HERC1: variants seen among roughly 807,000 people sequenced by gnomAD.
HERC1 encodes HECT and RLD domain containing E3 ubiquitin protein ligase family member 1.
Under a neutral mutation model 554.3 loss-of-function variants are expected in HERC1, and 160 were observed. That is an observed-to-expected ratio of 0.29 (90% CI 0.25 to 0.33). The LOEUF is 0.33. HERC1 is among the 10% of genes least tolerant of loss of function. The probability of loss-of-function intolerance (pLI) is 1.00; values close to 1 mark genes in which losing one functional copy is unlikely to be tolerated. For missense variants in HERC1, 4,919 were observed against 5,918.5 expected (o/e 0.83, Z 5.54); for synonymous variants, 2,175 against 2,131.7 (o/e 1.02, Z -0.56).
chr15:63,744,164 G>GTCTCTCTCTCTCTCTCTCTCTCTCTC (rs71464534), intron 12 of HERC1, among the ~76,000 whole-genome samples: 7 of 46,312 alleles, frequency 1.5e-4, no homozygotes, highest in African/African-American at 3.4e-4. Flanking sequence ...GTGTGTGTGT[G>GTCTCTCTCTCTCTCTCTCTCTCTCTC]TCTCTCTCTC....
At chr15:63,790,773 GTTTTCTTTTTTTT>G (rs2076625205) in intron 1 of HERC1, among the ~76,000 whole-genome samples, 2 of 148,094 alleles carry the variant, frequency 1.4e-5, no homozygotes, top group South Asian at 4.3e-4. Context: ...ACACAGTAGG[GTTTTCTTTTTTTT>G]TTTTTTAATT....
chr15:63,645,623 T>G lies in HERC1; in HGVS notation c.10938A>C (p.Lys3646Asn). The change falls in exon 56 of 78, where the codon AAA becomes AAC. Residue 3646 changes from lysine (K) to asparagine (N), a missense_variant. Coordinates refer to ENST00000443617, the MANE Select transcript of HERC1 (RefSeq NM_003922.4). ...PTGHILMTCA[K>N]EDSVKLWGSI... ...AGCCCCAGAGTTTCACACTGTCTTCTTTGGCACATGTCATAAGAATATGAC... is the reference window on the plus strand; with the variant it reads ...AGCCCCAGAGTTTCACACTGTCTTCGTTGGCACATGTCATAAGAATATGAC... 2 of 1,612,022 alleles carry G rather than the reference T, an allele frequency of 1.2e-6. No individual in the cohort carries two copies. The highest frequency in any genetic ancestry group is 1.7e-4 in the Middle Eastern group (1 of 6,060).
Position 63,680,015 on chromosome 15 carries a change from C to T in HERC1, c.6549+62G>A. 8.8e-7 allele frequency: 1 copy of T among 1,140,366 alleles called. No individual in the cohort carries two copies. Among genetic ancestry groups the T allele is most frequent in the Admixed American group, 2.0e-5 (1 of 51,212 alleles). 70.6% of individuals were successfully genotyped at this position (1,140,366 alleles called of 1,614,324 possible). A position where few individuals can be genotyped will look rare whatever the true frequency, so the allele number is the denominator to read the frequency against. ...AAATAGCTTATTATATTTATAAACTCTATCTGATGCTAAACAATAAAATAA... is the reference window on the plus strand; with the variant it reads ...AAATAGCTTATTATATTTATAAACTTTATCTGATGCTAAACAATAAAATAA... On this transcript the variant is annotated intron_variant, in intron 36 of 77. Coordinates refer to ENST00000443617, the MANE Select transcript of HERC1 (RefSeq NM_003922.4). The surrounding 1 kb of genome is among the most constrained non-coding windows in gnomAD (Gnocchi z 5.8).
At chr15:63,778,627 C>A (rs2076183776) in intron 1 of HERC1, among the ~76,000 whole-genome samples, 1 of 152,050 alleles carries the variant, frequency 6.6e-6, no homozygotes, top group Admixed American at 6.5e-5. Flanking sequence ...TCAAGTAAAA[C>A]AAACAAAATT....
At chr15:63,787,960 CAA>C (rs375499946) in intron 1 of HERC1, among the ~76,000 whole-genome samples, 1 of 45,644 alleles carries the variant, frequency 2.2e-5, no homozygotes, top group African/African-American at 8.4e-5. Flanking sequence ...GACCCTGTCT[CAA>C]AAAAAAAAAA....
chr15:63,620,204 C>G (rs896799036), intron 74 of HERC1, among the ~76,000 whole-genome samples: 8 of 152,152 alleles, frequency 5.3e-5, no homozygotes, highest in Middle Eastern at 3.4e-3. Flanking sequence ...TCTTTGTTCT[C>G]GTTGGTTTCA....
chr15:63,749,939 G>A lies in HERC1; in HGVS notation c.1903-148C>T. The A allele has an allele frequency of 4.2e-6, 3 of 707,982 alleles. No homozygotes were observed. The South Asian group carries it at 7.9e-5, about 19-fold the overall frequency. 43.9% of individuals were successfully genotyped at this position (707,982 alleles called of 1,614,324 possible). On this transcript the variant is annotated intron_variant, in intron 8 of 77. Coordinates refer to ENST00000443617, the MANE Select transcript of HERC1 (RefSeq NM_003922.4). This position sits in a 1 kb window ranked among gnomAD's most constrained non-coding sequence, Gnocchi z 4.1. ...AATCATTTTGATCATTTTAAAGATTGTTACAGCGATTTATCATGCTGCCTT... is the reference window on the plus strand; with the variant it reads ...AATCATTTTGATCATTTTAAAGATTATTACAGCGATTTATCATGCTGCCTT...
chr15:63,630,690 GC>G, intron 68 of HERC1, 55 bp from the exon 69 acceptor site: 1 of 1,521,384 alleles, frequency 6.6e-7, no homozygotes, highest in Non-Finnish European at 8.9e-7. Context: ...ACAACACAGT[GC>G]TTTTATATTT....
At position 63,608,895 on chromosome 15, in the gene HERC1, A is replaced by T; in HGVS notation, c.*186T>A. ...AGCACTTCGTTTTTGTTGTTTTTGT[A>T]CAATCACAGAAAAATAAAAACATCT... On this transcript the variant is annotated 3_prime_UTR_variant, in exon 78 of 78. Transcript: ENST00000443617. 2.0e-6 allele frequency: 1 copy of T among 492,408 alleles called. No individual in the cohort carries two copies. The highest frequency in any genetic ancestry group is 3.3e-6 in the Non-Finnish European group (1 of 303,554). 30.5% of individuals were successfully genotyped at this position (492,408 alleles called of 1,614,324 possible).
chr15:63,814,366 A>C (rs1162632159), intron 1 of HERC1, among the ~76,000 whole-genome samples: 1 of 151,968 alleles, frequency 6.6e-6, no homozygotes, highest in African/African-American at 2.4e-5. Context: ...TCAAGAGCAC[A>C]CACTACTCTT....
chr15:63,765,441 G>A lies in HERC1; in HGVS notation c.931-1250C>T, dbSNP rs544816767. Reference sequence around the variant, plus strand: ...CTGAAGAACTGATTCAGGCCAGGACGGGAAGTGGGAGATCGGACATGCCTC... The same window carrying A: ...CTGAAGAACTGATTCAGGCCAGGACAGGAAGTGGGAGATCGGACATGCCTC... On this transcript the variant is annotated intron_variant, in intron 2 of 77. Transcript: ENST00000443617. Among the ~76,000 whole-genome samples, 33 of 152,178 alleles carry A rather than the reference G, an allele frequency of 2.2e-4. No homozygotes were observed. The East Asian group carries it at 2.7e-3, about 12-fold the overall frequency.
chr15:63,640,053 G>T, intron 61 of HERC1, 99 bp downstream of exon 61: 2 of 1,133,788 alleles, frequency 1.8e-6, no homozygotes, highest in Non-Finnish European at 2.5e-6. Flanking sequence ...TATCCTTCTA[G>T]CCATGCATAC....
At chr15:63,642,873 T>C in intron 59 of HERC1, 84 bp downstream of exon 59, 1 of 786,740 alleles carries the variant, frequency 1.3e-6, no homozygotes, top group Non-Finnish European at 2.2e-6. Context: ...AGGTTTCTCC[T>C]CCATAAAGTG....
At chr15:63,644,073 T>C (rs1383193580) in intron 57 of HERC1, among the ~76,000 whole-genome samples, 1 of 152,230 alleles carries the variant, frequency 6.6e-6, no homozygotes, top group African/African-American at 2.4e-5. Context: ...AAACCAGACC[T>C]ATCTGTAGTA....
chr15:63,793,259 G>A (rs1315502210), intron 1 of HERC1, among the ~76,000 whole-genome samples: 1 of 152,122 alleles, frequency 6.6e-6, no homozygotes. Flanking sequence ...GTCGGCACAA[G>A]ACACAGGTCG....
At chr15:63,760,316 C>T (rs1374481707) in intron 3 of HERC1, among the ~76,000 whole-genome samples, 4 of 150,382 alleles carry the variant, frequency 2.7e-5, no homozygotes, top group Non-Finnish European at 4.4e-5. Flanking sequence ...AAAACTAATC[C>T]TACGTAGAAA....
Position 63,637,621 on chromosome 15 carries a change from G to T in HERC1, c.12116C>A (p.Thr4039Asn). ...TGTGCCATTGGCCTGGATGACAAAGGTACAATTCTGACCACAAATGACCTA... is the reference window on the plus strand; with the variant it reads ...TGTGCCATTGGCCTGGATGACAAAGTTACAATTCTGACCACAAATGACCTA... ...AQQVICGQNC[T>N]FVIQANGTVL... is the part of the protein sequence containing the mutation. The change falls in exon 64 of 78, where the codon ACC becomes AAC. Residue 4039 changes from threonine to asparagine, a missense_variant. By Grantham distance (65) the Thr-to-Asn change is moderately conservative. This residue lies in a region of HERC1 where 122 missense variants were observed against 195.2 expected (regional missense o/e 0.63). Coordinates refer to ENST00000443617, the MANE Select transcript of HERC1 (RefSeq NM_003922.4). 6.4e-7 allele frequency: 1 copy of T among 1,551,618 alleles called. No individual in the cohort carries two copies. The highest frequency in any genetic ancestry group is 1.2e-5 in the South Asian group (1 of 83,922).
chr15:63,737,094 A>C (rs748262136), intron 12 of HERC1, among the ~76,000 whole-genome samples: 165 of 152,154 alleles, frequency 1.1e-3, no homozygotes, highest in Non-Finnish European at 1.7e-3. Context: ...GCTACTAAAA[A>C]AGGAACACTT....
intron 1 of HERC1, among the ~76,000 whole-genome samples, chr15:63,784,987 T>G (rs80181687): frequency 0.042 from 6,332 of 152,272 alleles, 256 homozygotes; most frequent in African/African-American, 0.1. Flanking sequence ...GAAACTAAGT[T>G]TCTCAGACAA....
Sources: gnomAD v4.1 joint callset for allele counts (sites outside exome capture counted in the v4.1 genomes callset) on GRCh38, gnomAD v4.1.1 for gene constraint, gnomAD v4.1.1 regional missense constraint, Gnocchi (gnomAD v3.1) non-coding constraint, MANE v1.5 for transcripts, NCBI Gene and HGNC (gene_info 2026-07-23, HGNC 2026-07-21) for gene names.